The following ZNF804B variants were observed in gnomAD, a reference collection of about 807,000 sequenced individuals.
ZNF804B encodes zinc finger protein 804B, also known as zinc finger 804B.
Under a neutral mutation model 101.4 loss-of-function variants are expected in ZNF804B, and 80 were observed. The observed-to-expected ratio is 0.79, with a 90% CI of 0.66 to 0.95. The LOEUF is 0.95. ZNF804B is among the 40% of genes least tolerant of loss of function. The probability of loss-of-function intolerance (pLI) is 0.00; values close to 1 mark genes in which losing one functional copy is unlikely to be tolerated. For synonymous variants in ZNF804B, 622 were observed against 558.8 expected (o/e 1.11, Z -1.59); for missense variants, 1,673 against 1,561.9 (o/e 1.07, Z -1.20).
intron 1 of ZNF804B, among the ~76,000 whole-genome samples, chr7:89,112,042 G>A (rs2116353412): frequency 6.7e-6 from 1 of 148,860 alleles, no homozygotes; most frequent in African/African-American, 2.5e-5. Context: ...GGAGACCTAG[G>A]TTGCAGTGAG....
intron 1 of ZNF804B, among the ~76,000 whole-genome samples, chr7:89,081,569 G>A (rs747455561): frequency 2.6e-5 from 4 of 151,698 alleles, no homozygotes; most frequent in Non-Finnish European, 5.9e-5. Flanking sequence ...AGAAAGTGAG[G>A]AAGAGATAAA....
chr7:89,210,370 G>A lies in ZNF804B; in HGVS notation c.109-7785G>A, dbSNP rs113945738. 1.6e-3 allele frequency among the ~76,000 whole-genome samples: 248 copies of A among 152,140 alleles called. 1 individual carries two copies. The highest frequency in any genetic ancestry group is 5.9e-3 in the African/African-American group (243 of 41,508). On this transcript the variant is annotated intron_variant, in intron 1 of 3. Transcript: ENST00000333190. Reference sequence around the variant, plus strand: ...TTTTATTTTACGTTCCTGGGTACATGCGCAGGATGTGCAGGTTTGTTACAT... The same window carrying A: ...TTTTATTTTACGTTCCTGGGTACATACGCAGGATGTGCAGGTTTGTTACAT...
intron 1 of ZNF804B, among the ~76,000 whole-genome samples, chr7:89,004,879 C>G (rs992861516): frequency 4.0e-5 from 6 of 151,836 alleles, no homozygotes; most frequent in African/African-American, 1.4e-4. Flanking sequence ...ACATTTTTTT[C>G]TAGCCTTCTT....
chr7:89,196,430 G>A (rs759765357), intron 1 of ZNF804B, among the ~76,000 whole-genome samples: 1 of 152,120 alleles, frequency 6.6e-6, no homozygotes, highest in Non-Finnish European at 1.5e-5. Flanking sequence ...GCCATATGCA[G>A]AAAATTGTAT....
intron 1 of ZNF804B, among the ~76,000 whole-genome samples, chr7:88,905,837 T>C (rs1424860511): frequency 1.3e-5 from 2 of 151,690 alleles, no homozygotes; most frequent in African/African-American, 4.8e-5. Context: ...GTGGGACTCG[T>C]AGCAGTTCCT....
rs1390869693 is a variant in ZNF804B, at chr7:89,171,309, T to G, written c.109-46846T>G. 9.6e-4 allele frequency among the ~76,000 whole-genome samples: 108 copies of G among 112,736 alleles called. 1 individual carries two copies. Among genetic ancestry groups the G allele is most frequent in the African/African-American group, 3.0e-3 (91 of 29,948 alleles). The allele number at this position is 112,736 out of a possible 152,430, so 74.0% of individuals were successfully genotyped here. ...TGCTGCTTCTTCTTCTTCTTCTTCT[T>G]CTTCTTCTTCTTCTTCTTCTTCTTC... On this transcript the variant is annotated intron_variant, in intron 1 of 3. Coordinates refer to ENST00000333190, the MANE Select transcript of ZNF804B (RefSeq NM_181646.5).
At chr7:88,995,554 A>G (rs1210701156) in intron 1 of ZNF804B, among the ~76,000 whole-genome samples, 3 of 151,964 alleles carry the variant, frequency 2.0e-5, no homozygotes, top group Admixed American at 2.0e-4. Flanking sequence ...CTTTCCCTAA[A>G]TCCCAAGCAT....
At chr7:89,100,825 A>T (rs895498853) in intron 1 of ZNF804B, among the ~76,000 whole-genome samples, 5 of 152,074 alleles carry the variant, frequency 3.3e-5, no homozygotes, top group Non-Finnish European at 7.4e-5. Context: ...GTAACAAATT[A>T]TCTCACATAC....
intron 1 of ZNF804B, among the ~76,000 whole-genome samples, chr7:88,996,621 C>T (rs1788201953): frequency 6.6e-6 from 1 of 152,070 alleles, no homozygotes; most frequent in South Asian, 2.1e-4. Context: ...TTAAACCAAA[C>T]AATTTAAATT....
At chr7:89,256,640 A>G (rs994510771) in intron 2 of ZNF804B, among the ~76,000 whole-genome samples, 1 of 152,226 alleles carries the variant, frequency 6.6e-6, no homozygotes, top group African/African-American at 2.4e-5. Context: ...AAGCTTAAAA[A>G]CATAATACTC....
intron 2 of ZNF804B, among the ~76,000 whole-genome samples, chr7:89,273,846 A>G (rs1789935502): frequency 2.0e-5 from 3 of 152,176 alleles, no homozygotes; most frequent in African/African-American, 7.2e-5. Flanking sequence ...GCATTTCTCT[A>G]AATAACGATA....
intron 1 of ZNF804B, among the ~76,000 whole-genome samples, chr7:89,102,152 C>A (rs1029735169): frequency 1.8e-4 from 28 of 151,818 alleles, no homozygotes; most frequent in Admixed American, 1.3e-4. Flanking sequence ...ATGCAGGTGT[C>A]GGTTTTACAT....
chr7:89,179,116 G>A (rs952857893), intron 1 of ZNF804B, among the ~76,000 whole-genome samples: 2 of 152,112 alleles, frequency 1.3e-5, no homozygotes, highest in Non-Finnish European at 2.9e-5. Flanking sequence ...TTGGGAGCTT[G>A]ATTACTAAAT....
chr7:88,874,865 A>C lies in ZNF804B; in HGVS notation c.108+114781A>C, dbSNP rs1183065728. On this transcript the variant is annotated intron_variant, in intron 1 of 3. Coordinates refer to ENST00000333190, the MANE Select transcript of ZNF804B (RefSeq NM_181646.5). ...AATCAACAGAATATACATTTTTTTC[A>C]GCACCACACCACACCTATTCCAAAA... Among the ~76,000 whole-genome samples, 4 of 148,900 alleles carry C rather than the reference A, an allele frequency of 2.7e-5. No individual in the cohort carries two copies. The East Asian group carries it at 7.9e-4, about 29-fold the overall frequency.
chr7:88,794,892 C>T (rs1051912765), intron 1 of ZNF804B: 21 of 1,610,926 alleles, frequency 1.3e-5, no homozygotes, highest in Non-Finnish European at 1.8e-5. Flanking sequence ...GAAGAGGTTC[C>T]AGTGGCAAAG....
At chr7:89,218,748 C>T (rs1206504312) in intron 2 of ZNF804B, among the ~76,000 whole-genome samples, 3 of 151,974 alleles carry the variant, frequency 2.0e-5, no homozygotes, top group South Asian at 4.2e-4. Flanking sequence ...GTATTATATA[C>T]TATATTATTA....
In ZNF804B at chr7:89,336,245, C is replaced by T; in HGVS notation, c.3263C>T (p.Ser1088Leu). ...AATAAATATACTGGTGTGACTGATTCAACAGAGACCCAAGAAGACCAAATA... is the reference window on the plus strand; with the variant it reads ...AATAAATATACTGGTGTGACTGATTTAACAGAGACCCAAGAAGACCAAATA... The part of the protein sequence containing the change: ...PSNKYTGVTD[S>L]TETQEDQINL... The change falls in exon 4 of 4, where the codon TCA (serine) becomes TTA (leucine). Residue 1088 changes from serine (S) to leucine (L), a missense_variant. Coordinates refer to ENST00000333190, the MANE Select transcript of ZNF804B (RefSeq NM_181646.5). 1.9e-6 allele frequency: 3 copies of T among 1,613,814 alleles called. No homozygotes were observed. The highest frequency in any genetic ancestry group is 2.5e-6 in the Non-Finnish European group (3 of 1,179,940).
At chr7:89,276,105 G>A (rs545927336) in intron 2 of ZNF804B, among the ~76,000 whole-genome samples, 1 of 151,774 alleles carries the variant, frequency 6.6e-6, no homozygotes, top group African/African-American at 2.4e-5. Flanking sequence ...ATGTATAAGT[G>A]GGAGATGAAA....
intron 1 of ZNF804B, among the ~76,000 whole-genome samples, chr7:89,092,825 C>T (rs1374210897): frequency 6.6e-6 from 1 of 152,136 alleles, no homozygotes; most frequent in Non-Finnish European, 1.5e-5. Context: ...AAAGATGGTA[C>T]AGTTCATCTT....
Sources: gnomAD v4.1 joint callset for allele counts (sites outside exome capture counted in the v4.1 genomes callset) on GRCh38, gnomAD v4.1.1 for gene constraint, MANE v1.5 for transcripts, NCBI Gene and HGNC (gene_info 2026-07-23, HGNC 2026-07-21) for gene names.